Variants in GREB1 observed in about 807,000 individuals in gnomAD.
The protein encoded by GREB1 is growth regulating estrogen receptor binding 1.
In GREB1, 106 loss-of-function variants were observed where a neutral mutation model predicts 200.7. That is an observed-to-expected ratio of 0.53 (90% CI 0.45 to 0.62). The LOEUF (loss-of-function observed/expected upper bound fraction) is 0.62. Among genes scored for constraint, GREB1 ranks in the 20% least tolerant of loss-of-function variants. GREB1 has a pLI of 0.00. For synonymous variants in GREB1, 1,132 were observed against 1,092.4 expected (o/e 1.04, Z -0.72); for missense variants, 2,243 against 2,556.8 (o/e 0.88, Z 2.65).
At chr2:11,494,755 GTTTC>G (rs1301842737) in intron 1 of GREB1, among the ~76,000 whole-genome samples, 1 of 152,190 alleles carries the variant, frequency 6.6e-6, no homozygotes, top group Non-Finnish European at 1.5e-5. Flanking sequence ...CTCTAGATCT[GTTTC>G]TTTATCTGTA....
rs779671184 is a variant in GREB1, at chr2:11,618,796, G to C, written c.3921G>C (p.Glu1307Asp). Residue 1307 changes from glutamate to aspartate, a missense_variant, in exon 22 of 33, where the codon GAG becomes GAC. Glu to Asp is a conservative substitution (Grantham distance 45). Transcript: ENST00000381486. ...PLLSKTMTST[E>D]QSLYYRQWTV... ...TCAGCAAGACCATGACATCCACCGA[G>C]CAGTCCCTCTACTACCGGCAGTGGA... is the stretch of plus-strand genomic sequence containing the variant. The C allele has an allele frequency of 6.8e-6, 11 of 1,610,488 alleles. No individual in the cohort carries two copies. Among genetic ancestry groups the C allele is most frequent in the Non-Finnish European group, 6.8e-6 (8 of 1,179,888 alleles).
At chr2:11,600,613 G>A (rs1016620379) in intron 15 of GREB1, among the ~76,000 whole-genome samples, 187 bp from the exon 16 acceptor site, 1 of 152,208 alleles carries the variant, frequency 6.6e-6, no homozygotes, top group African/African-American at 2.4e-5. Context: ...ACGAATCTCA[G>A]GAGAGCCCCT....
chr2:11,486,207 GCCAGGCAGTTAAC>G (rs1288682151), intron 1 of GREB1, among the ~76,000 whole-genome samples: 1 of 152,130 alleles, frequency 6.6e-6, no homozygotes, highest in Non-Finnish European at 1.5e-5. Context: ...TCATAATGAC[GCCAGGCAGTTAAC>G]CCTCCCAGCT....
chr2:11,587,646 C>T (rs1680260410), intron 9 of GREB1: 2 of 1,383,608 alleles, frequency 1.4e-6, no homozygotes, highest in Non-Finnish European at 1.9e-6. Flanking sequence ...CAGCCGAAGT[C>T]AGAAAATATA....
At chr2:11,587,954 G>A (rs4669753) in intron 9 of GREB1, 323,633 of 987,258 alleles carry the variant, frequency 0.33, 55,578 homozygotes, top group East Asian at 0.45. Context: ...GGCTGGGCAC[G>A]GTGGCTCACG....
At chr2:11,599,432 T>TTCATGCCATTCTCCC (rs1681570228) in intron 15 of GREB1, among the ~76,000 whole-genome samples, 2 of 149,314 alleles carry the variant, frequency 1.3e-5, no homozygotes, top group African/African-American at 5.0e-5. Context: ...CTCAGCCTCC[T>TTCATGCCATTCTCCC]GGGTTCATGC....
rs2148407841 is a variant in GREB1 at position 11,492,451 on chromosome 2, G to A, written c.-159+10070G>A. Among the ~76,000 whole-genome samples, 2 of 152,304 alleles carry A rather than the reference G, an allele frequency of 1.3e-5. No homozygotes were observed. The highest frequency in any genetic ancestry group is 1.3e-4 in the Admixed American group (2 of 15,292). The stretch of plus-strand genomic sequence containing the variant: ...GCAAAAGGAGGACGATAAATTGGGA[G>A]CTCAGCTGTGTTATCACAGTCTGTG... On this transcript the variant is annotated intron_variant, in intron 1 of 2. Coordinates refer to the GREB1 transcript ENST00000628795. The surrounding 1 kb of genome is among the most constrained non-coding windows in gnomAD (Gnocchi z 4.0).
intron 17 of GREB1, among the ~76,000 whole-genome samples, chr2:11,604,945 A>G (rs1682111650): frequency 6.6e-6 from 1 of 152,144 alleles, no homozygotes; most frequent in African/African-American, 2.4e-5. Flanking sequence ...ACACAAACCT[A>G]CTGTGACTTA....
intron 1 of GREB1, among the ~76,000 whole-genome samples, chr2:11,484,697 C>G (rs1672609494): frequency 6.6e-6 from 1 of 152,068 alleles, no homozygotes; most frequent in African/African-American, 2.4e-5. Flanking sequence ...CTGGGAGGGT[C>G]TCTTGAGCCC....
At chr2:11,530,944 C>T (rs914020433), upstream of GREB1, among the ~76,000 whole-genome samples, 3 of 152,140 alleles carry the variant, frequency 2.0e-5, no homozygotes, top group African/African-American at 4.8e-5. Flanking sequence ...GGAGCAGACA[C>T]CGGCTCTCTC....
intron 4 of GREB1, among the ~76,000 whole-genome samples, chr2:11,568,332 G>A (rs577985427): frequency 1.1e-4 from 17 of 152,340 alleles, no homozygotes; most frequent in African/African-American, 4.1e-4. Flanking sequence ...CCACAGAGGC[G>A]CTGGGGACAC....
intron 27 of GREB1, among the ~76,000 whole-genome samples, chr2:11,632,407 C>G (rs1021695417): frequency 4.3e-5 from 6 of 139,662 alleles, no homozygotes; most frequent in Admixed American, 3.9e-4. Context: ...GGCATGATCT[C>G]GACTCACTGC....
Position 11,640,861 on chromosome 2 carries a change from C to A in GREB1, c.*407C>A, listed in dbSNP as rs529260559. On this transcript the variant is annotated 3_prime_UTR_variant, in exon 33 of 33. Transcript: ENST00000381486. This position sits in a 1 kb window ranked among gnomAD's most constrained non-coding sequence, Gnocchi z 4.6. ...AGATGGGATTTCAGCCAAGTAGGTT[C>A]CCCTGTAACCTCCTACAAAGCAATA... The A allele has an allele frequency of 4.0e-5, 7 of 174,024 alleles. No individual in the cohort carries two copies. 10.8% of individuals were successfully genotyped at this position (174,024 alleles called of 1,614,324 possible).
intron 4 of GREB1, among the ~76,000 whole-genome samples, chr2:11,575,188 T>C (rs1031696656): frequency 6.6e-6 from 1 of 152,210 alleles, no homozygotes; most frequent in Non-Finnish European, 1.5e-5. Context: ...TGTAGACTTA[T>C]CAAATGGAGA....
intron 1 of GREB1, among the ~76,000 whole-genome samples, chr2:11,484,932 G>A (rs1474023719): frequency 2.0e-5 from 3 of 152,044 alleles, no homozygotes; most frequent in African/African-American, 7.2e-5. Context: ...TGCAAGCTCC[G>A]CCTCCCGGGT....
chr2:11,544,483 T>C (rs2148541172), intron 1 of GREB1, among the ~76,000 whole-genome samples: 1 of 152,282 alleles, frequency 6.6e-6, no homozygotes, highest in South Asian at 2.1e-4. Flanking sequence ...CCCAAAGTGC[T>C]GGGATTACAG....
At chr2:11,591,581 A>T in intron 10 of GREB1, 1 of 645,030 alleles carries the variant, frequency 1.6e-6, no homozygotes, top group Non-Finnish European at 2.9e-6. Flanking sequence ...TAGGTGCGGT[A>T]AAACCAGCGC....
intron 1 of GREB1, among the ~76,000 whole-genome samples, chr2:11,513,420 G>A (rs1673404185): frequency 6.6e-6 from 1 of 152,136 alleles, no homozygotes; most frequent in South Asian, 2.1e-4. Context: ...ATTTATCCGG[G>A]AGCAACACTC....
intron 30 of GREB1, among the ~76,000 whole-genome samples, chr2:11,636,331 T>G (rs1685315290): frequency 6.6e-6 from 1 of 152,238 alleles, no homozygotes; most frequent in African/African-American, 2.4e-5. Context: ...AAAACGAACT[T>G]TTCTTTTGTG....
Sources: allele counts gnomAD v4.1 joint callset (sites outside exome capture counted in the v4.1 genomes callset), GRCh38; gene constraint gnomAD v4.1.1; non-coding constraint Gnocchi (gnomAD v3.1); transcripts MANE v1.5; gene names NCBI Gene and HGNC (gene_info 2026-07-23, HGNC 2026-07-21).